Variants in MTHFD1L observed in about 807,000 individuals in gnomAD.
MTHFD1L encodes the protein monofunctional C1-tetrahydrofolate synthase, mitochondrial.
In MTHFD1L, 81 loss-of-function variants were observed where a neutral mutation model predicts 119.5. The observed-to-expected ratio is 0.68, with a 90% CI of 0.57 to 0.82. The LOEUF is 0.82. Among genes scored for constraint, MTHFD1L ranks in the 40% least tolerant of loss-of-function variants. The pLI is 0.00. For synonymous variants in MTHFD1L, 430 were observed against 475.2 expected, an observed-to-expected ratio of 0.90 and a Z score of 1.24; for missense variants, 1,125 against 1,253.4, an observed-to-expected ratio of 0.90 and a Z score of 1.55.
At chr6:151,092,617 CTTTG>C (rs1794552189) in intron 27 of MTHFD1L, 30 bp downstream of exon 27, 3 of 1,409,122 alleles carry the variant, frequency 2.1e-6, no homozygotes, top group Non-Finnish European at 3.0e-6. Flanking sequence ...CTTTTTCTCT[CTTTG>C]TTTTTTTCCA....
chr6:151,073,225 C>T (rs1037094335), intron 26 of MTHFD1L, among the ~76,000 whole-genome samples: 1 of 152,154 alleles, frequency 6.6e-6, no homozygotes, highest in Non-Finnish European at 1.5e-5. Context: ...TGCGGATGTA[C>T]AGAGTCCTCC....
chr6:150,985,678 A>AAAAAG (rs1778205009), intron 20 of MTHFD1L, among the ~76,000 whole-genome samples: 1 of 151,030 alleles, frequency 6.6e-6, no homozygotes, highest in Admixed American at 6.6e-5. Flanking sequence ...AAAAAAAAAA[A>AAAAAG]AAAGAAAGAA....
chr6:150,937,412 C>T (rs978028288), intron 12 of MTHFD1L, among the ~76,000 whole-genome samples: 4 of 152,126 alleles, frequency 2.6e-5, no homozygotes, highest in African/African-American at 7.2e-5. Context: ...TGGCCGTGGT[C>T]GGGCTGATAT....
intron 24 of MTHFD1L, 69 bp downstream of exon 24, chr6:151,015,762 A>C (rs1324625067): frequency 1.3e-6 from 2 of 1,536,928 alleles, no homozygotes; most frequent in African/African-American, 2.8e-5. Context: ...TTCTGTTGTC[A>C]CCACAACCCT....
intron 1 of MTHFD1L, among the ~76,000 whole-genome samples, chr6:150,867,821 G>GTC (rs1778683246): frequency 4.5e-5 from 6 of 134,286 alleles, no homozygotes; most frequent in Admixed American, 3.2e-4. Flanking sequence ...TTTTTGAGAC[G>GTC]GAGTCTTGCT....
chr6:150,951,734 T>G (rs796743717), intron 16 of MTHFD1L, among the ~76,000 whole-genome samples: 2 of 152,322 alleles, frequency 1.3e-5, no homozygotes, highest in African/African-American at 4.8e-5. Flanking sequence ...TGAAAATTTT[T>G]TTTATAACTA....
intron 26 of MTHFD1L, among the ~76,000 whole-genome samples, chr6:151,053,514 A>C (rs2128583564): frequency 6.6e-6 from 1 of 152,302 alleles, no homozygotes; most frequent in East Asian, 1.9e-4. Flanking sequence ...TACATACTGA[A>C]TTTAGCAAAT....
intron 1 of MTHFD1L, chr6:150,866,424 A>G: frequency 7.5e-7 from 1 of 1,341,220 alleles, no homozygotes. Flanking sequence ...AAACCAGGGG[A>G]GGGGGCGAGG....
chr6:151,058,326 C>T (rs956697801), intron 26 of MTHFD1L, among the ~76,000 whole-genome samples: 2 of 152,100 alleles, frequency 1.3e-5, no homozygotes, highest in Non-Finnish European at 1.5e-5. Flanking sequence ...GAGGAGGTGG[C>T]GTGGGAGCAC....
intron 26 of MTHFD1L, among the ~76,000 whole-genome samples, chr6:151,074,113 C>T (rs1408622974): frequency 6.6e-6 from 1 of 152,078 alleles, no homozygotes; most frequent in African/African-American, 2.4e-5. Flanking sequence ...AAATTCACAG[C>T]CTAGAGTTTT....
chr6:151,058,345 G>T (rs1285075252), intron 26 of MTHFD1L, among the ~76,000 whole-genome samples: 1 of 152,138 alleles, frequency 6.6e-6, no homozygotes, highest in African/African-American at 2.4e-5. Context: ...ACTGATGCTC[G>T]GGCTCTGTCA....
At chr6:150,877,748 G>A (rs192610553) in intron 3 of MTHFD1L, 25 bp from the exon 4 acceptor site, 22 of 1,614,164 alleles carry the variant, frequency 1.4e-5, no homozygotes, top group African/African-American at 1.1e-4. Flanking sequence ...TTATAGTGAC[G>A]AATAACCTTG....
chr6:150,942,663 T>C (rs1793324238), intron 13 of MTHFD1L, among the ~76,000 whole-genome samples: 1 of 152,050 alleles, frequency 6.6e-6, no homozygotes. Context: ...ATGTTGAGAG[T>C]GTAAGAGCTA....
chr6:151,057,662 CT>C, intron 26 of MTHFD1L, among the ~76,000 whole-genome samples: 1 of 152,266 alleles, frequency 6.6e-6, no homozygotes, highest in South Asian at 2.1e-4. Flanking sequence ...GAGACCTAGA[CT>C]CCCCCTGTCA....
At position 150,921,409 on chromosome 6, in the gene MTHFD1L, C is replaced by T. The variant is rs562994516; in HGVS notation, c.985-796C>T. Reference sequence around the variant, plus strand: ...AGGATTACAGGCGTGAGCCACTGCACCTGGCCTAATTTTTGTATTTTTAGT... The same window carrying T: ...AGGATTACAGGCGTGAGCCACTGCATCTGGCCTAATTTTTGTATTTTTAGT... On this transcript the variant is annotated intron_variant, in intron 9 of 27. Transcript: ENST00000367321. Among the ~76,000 whole-genome samples, 4 of 152,306 alleles carry T rather than the reference C, an allele frequency of 2.6e-5. No homozygotes were observed. The East Asian group carries it at 5.8e-4, about 22-fold the overall frequency.
chr6:151,079,026 A>G (rs946665107), intron 26 of MTHFD1L, among the ~76,000 whole-genome samples: 14 of 152,128 alleles, frequency 9.2e-5, no homozygotes, highest in African/African-American at 3.4e-4. Context: ...ACGTACTGAA[A>G]GCTGACTTAC....
chr6:150,910,965 A>G (rs1786786981), intron 8 of MTHFD1L, among the ~76,000 whole-genome samples: 1 of 152,252 alleles, frequency 6.6e-6, no homozygotes, highest in African/African-American at 2.4e-5. Flanking sequence ...AGCAATTGAT[A>G]TAAAATTAGG....
At chr6:150,882,741 G>T in intron 4 of MTHFD1L, 21 bp from the exon 5 acceptor site, 1 of 1,438,780 alleles carries the variant, frequency 7.0e-7, no homozygotes, top group Non-Finnish European at 9.2e-7. Context: ...TTTTTATTTT[G>T]TTTTTTTGTT....
intron 26 of MTHFD1L, among the ~76,000 whole-genome samples, chr6:151,059,022 G>A (rs948184251): frequency 6.6e-6 from 1 of 151,722 alleles, no homozygotes; most frequent in Admixed American, 6.6e-5. Context: ...TCAAAGTTGA[G>A]GCAGTGCCTC....
Sources: allele counts gnomAD v4.1 joint callset (sites outside exome capture counted in the v4.1 genomes callset), GRCh38; gene constraint gnomAD v4.1.1; transcripts MANE v1.5; gene names NCBI Gene and HGNC (gene_info 2026-07-23, HGNC 2026-07-21).